COL19A1: variants seen among roughly 807,000 people sequenced by gnomAD.
COL19A1 encodes collagen alpha-1(XIX) chain.
A neutral mutation model predicts 190.2 loss-of-function variants in COL19A1; 159 were observed. The observed-to-expected ratio is 0.84, with a 90% CI of 0.73 to 0.95. The LOEUF is 0.95. COL19A1 is among the 40% of genes least tolerant of loss of function. The pLI is 0.00. For missense variants in COL19A1, 1,418 were observed against 1,431.9 expected (o/e 0.99, Z 0.16); for synonymous variants, 509 against 458.9 (o/e 1.11, Z -1.39).
rs779419006 is a variant in COL19A1, at chr6:70,163,416, C to A, written c.2400+20C>A. On this transcript the variant is annotated intron_variant, in intron 36 of 50. Coordinates refer to ENST00000620364, the MANE Select transcript of COL19A1 (RefSeq NM_001858.6). The stretch of plus-strand genomic sequence containing the variant: ...GAAAAGGTACAAAGGAAAAGCCTCA[C>A]TTACCATCCAAACTGGGGCTTGGAG... The A allele has an allele frequency of 6.2e-7, 1 of 1,607,304 alleles. No homozygotes were observed. The highest frequency in any genetic ancestry group is 1.1e-5 in the South Asian group (1 of 90,076).
chr6:69,897,138 T>C (rs1350450746), intron 2 of COL19A1, among the ~76,000 whole-genome samples: 7 of 152,204 alleles, frequency 4.6e-5, no homozygotes, highest in Non-Finnish European at 5.9e-5. Flanking sequence ...TGATTATCTT[T>C]AGTTAGTTTT....
chr6:69,903,016 G>A (rs1200027571), intron 4 of COL19A1, among the ~76,000 whole-genome samples: 2 of 152,162 alleles, frequency 1.3e-5, no homozygotes, highest in African/African-American at 4.8e-5. Context: ...ACATGGCCTG[G>A]CCCTACATGG....
At chr6:70,044,589 A>G (rs970599851) in intron 14 of COL19A1, among the ~76,000 whole-genome samples, 2 of 152,162 alleles carry the variant, frequency 1.3e-5, no homozygotes, top group African/African-American at 4.8e-5. Context: ...CCTAATTTCA[A>G]TATTGTTGTT....
chr6:70,106,773 C>G (rs1475225356), intron 16 of COL19A1, among the ~76,000 whole-genome samples: 1 of 152,196 alleles, frequency 6.6e-6, no homozygotes. Flanking sequence ...CTTCTGCTAT[C>G]TTGTCCTAAG....
chr6:70,089,642 G>T (rs1272441406), intron 15 of COL19A1, among the ~76,000 whole-genome samples: 2 of 152,150 alleles, frequency 1.3e-5, no homozygotes, highest in Non-Finnish European at 2.9e-5. Context: ...ACAGGGACTG[G>T]TTTGTGTTTT....
chr6:70,181,331 G>A (rs1255164358), intron 44 of COL19A1, among the ~76,000 whole-genome samples: 1 of 152,154 alleles, frequency 6.6e-6, no homozygotes, highest in African/African-American at 2.4e-5. Context: ...ATGTAATTTA[G>A]AGTCAGGAAG....
chr6:70,191,021 T>G (rs1005355159), intron 48 of COL19A1, among the ~76,000 whole-genome samples: 1 of 152,194 alleles, frequency 6.6e-6, no homozygotes, highest in African/African-American at 2.4e-5. Flanking sequence ...GTATGCACAT[T>G]CCTTCGCCTC....
In COL19A1 at chr6:69,960,022, A is replaced by G. The variant is rs1285165001; in HGVS notation, c.963A>G (p.Pro321=). The change falls in exon 10 of 51, where the codon CCA becomes CCG. Residue 321 remains proline, a synonymous_variant. Coordinates refer to ENST00000620364, the MANE Select transcript of COL19A1 (RefSeq NM_001858.6). The part of the protein sequence containing the change: ...EPGENGLHGA[P]GFPGQKGEQG... ...GTGAAAATGGTTTACATGGTGCTCC[A>G]GGATTCCCTGGTCAAAAGGTAAAGA... The G allele has an allele frequency of 3.1e-6, 5 of 1,613,548 alleles. No homozygotes were observed. Among genetic ancestry groups the G allele is most frequent in the Non-Finnish European group, 4.2e-6 (5 of 1,179,748 alleles).
intron 40 of COL19A1, among the ~76,000 whole-genome samples, chr6:70,170,137 A>G (rs939442316): frequency 1.3e-5 from 2 of 152,172 alleles, no homozygotes; most frequent in African/African-American, 4.8e-5. Flanking sequence ...ACAGAAACAG[A>G]AAAATGCAAT....
chr6:70,119,206 G>A (rs974389707), intron 16 of COL19A1, among the ~76,000 whole-genome samples: 1 of 152,242 alleles, frequency 6.6e-6, no homozygotes, highest in East Asian at 1.9e-4. Context: ...AACAAAGATA[G>A]GATACATTTG....
intron 19 of COL19A1, 139 bp from the exon 20 acceptor site, chr6:70,140,815 A>T: frequency 1.3e-6 from 1 of 744,626 alleles, no homozygotes; most frequent in Admixed American, 2.3e-5. Flanking sequence ...GCAAAGACAG[A>T]CTGTGTGACA....
At chr6:69,927,858 T>C (rs1467776449) in intron 4 of COL19A1, 51 bp from the exon 5 acceptor site, 2 of 1,564,338 alleles carry the variant, frequency 1.3e-6, no homozygotes, top group Middle Eastern at 1.7e-4. Flanking sequence ...AGATTTTATT[T>C]TCTTGCAATC....
intron 11 of COL19A1, 114 bp downstream of exon 11, chr6:69,962,984 A>G (rs746263289): frequency 1.5e-6 from 1 of 681,528 alleles, no homozygotes; most frequent in Non-Finnish European, 2.3e-6. Flanking sequence ...CAATAATTTT[A>G]TAGACATAAC....
intron 17 of COL19A1, among the ~76,000 whole-genome samples, chr6:70,128,518 C>A (rs1318039781): frequency 6.6e-6 from 1 of 152,080 alleles, no homozygotes; most frequent in Non-Finnish European, 1.5e-5. Flanking sequence ...GAGTAAGCAG[C>A]AAAGATATTA....
chr6:70,044,355 A>G (rs1420574965), intron 14 of COL19A1, among the ~76,000 whole-genome samples: 2 of 152,118 alleles, frequency 1.3e-5, no homozygotes, highest in African/African-American at 4.8e-5. Flanking sequence ...TCCTTCAAGA[A>G]GTTTTTCTTT....
rs146009763 is a variant in COL19A1 at position 69,903,342 on chromosome 6, A to G, written c.266+3004A>G. ...CATGGCCTTATCTTGCATTAGGCCTATAGGCTTCAAGACCTCTTGTAAATC... is the reference window on the plus strand; with the variant it reads ...CATGGCCTTATCTTGCATTAGGCCTGTAGGCTTCAAGACCTCTTGTAAATC... On this transcript the variant is annotated intron_variant, in intron 4 of 50. Transcript: ENST00000620364. Among the ~76,000 whole-genome samples, 594 of 152,206 alleles carry G rather than the reference A, an allele frequency of 3.9e-3. 2 individuals carry two copies. The highest frequency in any genetic ancestry group is 6.4e-3 in the Non-Finnish European group (433 of 67,996).
chr6:69,887,823 T>C (rs891267835), intron 2 of COL19A1, among the ~76,000 whole-genome samples: 2 of 152,018 alleles, frequency 1.3e-5, no homozygotes, highest in African/African-American at 2.4e-5. Flanking sequence ...GCTAGAGCAC[T>C]TCCCACCAGG....
At chr6:69,907,452 A>C (rs969520242) in intron 4 of COL19A1, among the ~76,000 whole-genome samples, 3 of 152,128 alleles carry the variant, frequency 2.0e-5, no homozygotes, top group Admixed American at 2.0e-4. Context: ...TATAAATAAC[A>C]CTACAACATA....
At chr6:70,148,593 A>G (rs1786826452) in intron 27 of COL19A1, among the ~76,000 whole-genome samples, 1 of 152,186 alleles carries the variant, frequency 6.6e-6, no homozygotes. Flanking sequence ...GTAAAAGAAC[A>G]TTGGAGATGG....
Sources: allele counts gnomAD v4.1 joint callset (sites outside exome capture counted in the v4.1 genomes callset), GRCh38; gene constraint gnomAD v4.1.1; transcripts MANE v1.5; gene names NCBI Gene and HGNC (gene_info 2026-07-23, HGNC 2026-07-21).